Variants in VPS4A observed in about 807,000 individuals in gnomAD.
VPS4A encodes vacuolar protein sorting-associated protein 4A.
VPS4A carries 20 observed loss-of-function variants against 52.3 expected under a neutral mutation model. The ratio of observed to expected loss-of-function variants is 0.38; its 90% CI spans 0.27 to 0.56. The LOEUF is 0.56. Ranked by LOEUF, VPS4A falls within the 20% of genes least tolerant of loss-of-function variation. The pLI is 0.72. For synonymous variants in VPS4A, 293 were observed against 227.7 expected (o/e 1.29, Z -2.58); for missense variants, 419 against 575.9 (o/e 0.73, Z 2.79).
rs1047799601 is a variant in VPS4A at position 69,325,875 on chromosome 16, G to A, written c.*1566G>A. 6.6e-6 allele frequency: 1 copy of A among 152,214 alleles called. No homozygotes were observed. The highest frequency in any genetic ancestry group is 2.4e-5 in the African/African-American group (1 of 41,406). The allele number at this position is 152,214 out of a possible 1,614,324, so 9.4% of individuals were successfully genotyped here. ...GTAGAGGCTGCTCTGTACAGAAGGG[G>A]TCCCCCATCCCCACTCATCTGTGTT... On this transcript the variant is annotated 3_prime_UTR_variant, in exon 11 of 11. Coordinates refer to ENST00000254950, the MANE Select transcript of VPS4A (RefSeq NM_013245.3).
chr16:69,322,411 C>A, intron 9 of VPS4A, 149 bp from the exon 10 acceptor site: 1 of 795,294 alleles, frequency 1.3e-6, no homozygotes. Flanking sequence ...GTCGCTCGGA[C>A]CACCCAGCCC....
Position 69,318,849 on chromosome 16 carries a change from A to G in VPS4A, c.370A>G (p.Ile124Val). Reference sequence around the variant, plus strand: ...TGCCGTCGTGATGGAGAAGCCCAACATACGGTGGAACGACGTGGCCGGGCT... The same window carrying G: ...TGCCGTCGTGATGGAGAAGCCCAACGTACGGTGGAACGACGTGGCCGGGCT... ...MGAVVMEKPN[I>V]RWNDVAGLEG... Residue 124 changes from isoleucine (I) to valine (V), a missense_variant, in exon 5 of 11, where the codon ATA becomes GTA. Coordinates refer to ENST00000254950, the MANE Select transcript of VPS4A (RefSeq NM_013245.3). 1 of 1,613,504 alleles carries G rather than the reference A, an allele frequency of 6.2e-7. No homozygotes were observed. The highest frequency in any genetic ancestry group is 8.5e-7 in the Non-Finnish European group (1 of 1,179,704).
At position 69,320,015 on chromosome 16, in the gene VPS4A, T is replaced by C. The variant is rs1403690595; in HGVS notation, c.621-126T>C. On this transcript the variant is annotated intron_variant, in intron 6 of 10. Coordinates refer to ENST00000254950, the MANE Select transcript of VPS4A (RefSeq NM_013245.3). This position sits in a 1 kb window ranked among gnomAD's most constrained non-coding sequence, Gnocchi z 4.2. ...CCGAGGGCTCCTCACCACCACGTTT[T>C]CCGCAATTCCGGCATGACCGTGGCC... 6.8e-6 allele frequency: 9 copies of C among 1,328,600 alleles called. No individual in the cohort carries two copies. In the East Asian group the frequency reaches 2.3e-4, roughly 34 times the overall value. 82.3% of individuals were successfully genotyped at this position (1,328,600 alleles called of 1,614,324 possible). A position where few individuals can be genotyped will look rare whatever the true frequency, so the allele number is the denominator to read the frequency against.
intron 4 of VPS4A, 38 bp from the exon 5 acceptor site, chr16:69,318,785 T>C: frequency 6.2e-7 from 1 of 1,611,138 alleles, no homozygotes; most frequent in Non-Finnish European, 8.5e-7. Context: ...TCATGCCCCT[T>C]GGCCGGGCCC....
chr16:69,316,398 G>A, intron 3 of VPS4A, 26 bp downstream of exon 3: 1 of 1,611,508 alleles, frequency 6.2e-7, no homozygotes, highest in Non-Finnish European at 8.5e-7. Flanking sequence ...GTCCGCCCAG[G>A]AACCTGGGCC....
chr16:69,323,523 T>C (rs1425389759), intron 10 of VPS4A: 3 of 399,244 alleles, frequency 7.5e-6, no homozygotes, highest in African/African-American at 6.2e-5. Context: ...GGGTTTGGCT[T>C]TGCGGTGCAG....
chr16:69,314,720 C>T (rs1481278892), intron 1 of VPS4A, among the ~76,000 whole-genome samples: 1 of 152,094 alleles, frequency 6.6e-6, no homozygotes, highest in African/African-American at 2.4e-5. Context: ...GTGTTTCTTT[C>T]GGAGACTTCT....
Position 69,318,873 on chromosome 16 carries a change from C to G in VPS4A, c.394C>G (p.Leu132Val). ...CATACGGTGGAACGACGTGGCCGGG[C>G]TGGAGGGGGCCAAGGAGGCCCTCAA... The part of the protein sequence containing the change: ...PNIRWNDVAG[L>V]EGAKEALKEA... Residue 132 changes from leucine to valine, a missense_variant, in exon 5 of 11, where the codon CTG becomes GTG. By Grantham distance (32) the Leu-to-Val change is conservative. Around this residue, in one of 3 missense-constraint regions of VPS4A, gnomAD observed 103 missense variants for 210.3 expected, o/e 0.49. Coordinates refer to ENST00000254950, the MANE Select transcript of VPS4A (RefSeq NM_013245.3). 1.2e-6 allele frequency: 2 copies of G among 1,613,672 alleles called. No individual in the cohort carries two copies. The highest frequency in any genetic ancestry group is 1.7e-6 in the Non-Finnish European group (2 of 1,179,776).
At chr16:69,322,807 C>T (rs1441267676) in intron 10 of VPS4A, 107 bp downstream of exon 10, 26 of 1,402,700 alleles carry the variant, frequency 1.9e-5, no homozygotes, top group Non-Finnish European at 2.3e-5. Context: ...TGGTAGCTCA[C>T]GCCTGTAATC....
At chr16:69,313,486 T>G (rs1041241967) in intron 1 of VPS4A, among the ~76,000 whole-genome samples, 3 of 152,194 alleles carry the variant, frequency 2.0e-5, no homozygotes, top group Non-Finnish European at 2.9e-5. Context: ...AAACCCACTT[T>G]ATATAAACAG....
Position 69,322,812 on chromosome 16 carries a change from G to A in VPS4A, c.1212+112G>A, listed in dbSNP as rs902602177. On this transcript the variant is annotated intron_variant, in intron 10 of 10. Transcript: ENST00000254950. ...AGGCCAGGCATGGTAGCTCACGCCT[G>A]TAATCCCAGCACTTTGGGAGGCCAG... 21 of 1,395,236 alleles carry A rather than the reference G, an allele frequency of 1.5e-5. No individual in the cohort carries two copies. In the South Asian group the frequency reaches 1.6e-4, roughly 11 times the overall value. The allele number at this position is 1,395,236 out of a possible 1,614,324, so 86.4% of individuals were successfully genotyped here. A position where few individuals can be genotyped will look rare whatever the true frequency, so the allele number is the denominator to read the frequency against.
chr16:69,316,834 G>A (rs1265229786), intron 3 of VPS4A, among the ~76,000 whole-genome samples: 1 of 152,214 alleles, frequency 6.6e-6, no homozygotes, highest in East Asian at 1.9e-4. Context: ...TCCAACAGGT[G>A]GGGCGGCCGG....
At position 69,320,642 on chromosome 16, in the gene VPS4A, C is replaced by T. The variant is rs373467959; in HGVS notation, c.770-46C>T. 3.9e-6 allele frequency: 6 copies of T among 1,525,240 alleles called. No homozygotes were observed. The highest frequency in any genetic ancestry group is 2.4e-5 in the East Asian group (1 of 41,672). 94.5% of individuals were successfully genotyped at this position (1,525,240 alleles called of 1,614,324 possible). A position where few individuals can be genotyped will look rare whatever the true frequency, so the allele number is the denominator to read the frequency against. ...GTCTGTCCCCAGGTTTCAACTGACC[C>T]GTGCAGGTGTCCAGAGTCTGAGTCT... On this transcript the variant is annotated intron_variant, in intron 7 of 10. Coordinates refer to ENST00000254950, the MANE Select transcript of VPS4A (RefSeq NM_013245.3). The surrounding 1 kb of genome is among the most constrained non-coding windows in gnomAD (Gnocchi z 4.2).
chr16:69,318,683 G>T lies in VPS4A; in HGVS notation c.315G>T (p.Glu105Asp). 1 of 1,613,434 alleles carries T rather than the reference G, an allele frequency of 6.2e-7. No homozygotes were observed. Among genetic ancestry groups the T allele is most frequent in the Non-Finnish European group, 8.5e-7 (1 of 1,179,646 alleles). The change falls in exon 4 of 11, where the codon GAG (glutamate) becomes GAT (aspartate). Residue 105 changes from glutamate to aspartate, a missense_variant. Coordinates refer to ENST00000254950, the MANE Select transcript of VPS4A (RefSeq NM_013245.3). ...SDSDSEGDNP[E>D]KKKLQEQLMG... Reference sequence around the variant, plus strand: ...GTGACAGTGAAGGGGATAATCCGGAGAAAAAGAAACTGCAAGAACAGCTGA... The same window carrying T: ...GTGACAGTGAAGGGGATAATCCGGATAAAAAGAAACTGCAAGAACAGCTGA...
chr16:69,320,665 T>C lies in VPS4A; in HGVS notation c.770-23T>C. On this transcript the variant is annotated intron_variant, in intron 7 of 10. Coordinates refer to ENST00000254950, the MANE Select transcript of VPS4A (RefSeq NM_013245.3). This position sits in a 1 kb window ranked among gnomAD's most constrained non-coding sequence, Gnocchi z 4.2. ...CCCGTGCAGGTGTCCAGAGTCTGAG[T>C]CTTTGTCTCCCTTTCTCCACAGGGG... The C allele has an allele frequency of 1.3e-6, 2 of 1,581,790 alleles. No homozygotes were observed. The highest frequency in any genetic ancestry group is 1.7e-6 in the Non-Finnish European group (2 of 1,163,318).
chr16:69,313,483 C>A (rs1188234660), intron 1 of VPS4A, among the ~76,000 whole-genome samples: 1 of 152,128 alleles, frequency 6.6e-6, no homozygotes, highest in African/African-American at 2.4e-5. Flanking sequence ...GAGAAACCCA[C>A]TTTATATAAA....
At chr16:69,317,393 C>T (rs1009703055) in intron 3 of VPS4A, among the ~76,000 whole-genome samples, 3 of 152,176 alleles carry the variant, frequency 2.0e-5, no homozygotes, top group African/African-American at 7.2e-5. Context: ...CATGGTGGCT[C>T]ACACCTGTAA....
Position 69,314,896 on chromosome 16 carries a change from C to T in VPS4A, c.22-1112C>T, listed in dbSNP as rs372387329. 1.2e-4 allele frequency among the ~76,000 whole-genome samples: 18 copies of T among 152,076 alleles called. No individual in the cohort carries two copies. In the South Asian group the frequency reaches 2.3e-3, roughly 19 times the overall value. On this transcript the variant is annotated intron_variant, in intron 1 of 10. Coordinates refer to ENST00000254950, the MANE Select transcript of VPS4A (RefSeq NM_013245.3). Reference sequence around the variant, plus strand: ...GAATTCTGGTCATGCTTCGTGCAGGCGTTGGTGAAGCTGCGGTTTTTAAAA... The same window carrying T: ...GAATTCTGGTCATGCTTCGTGCAGGTGTTGGTGAAGCTGCGGTTTTTAAAA...
chr16:69,319,003 C>T (rs1216827863), intron 5 of VPS4A, 61 bp downstream of exon 5: 15 of 1,583,664 alleles, frequency 9.5e-6, no homozygotes, highest in Non-Finnish European at 1.3e-5. Flanking sequence ...AGGGCTGGCA[C>T]TCCGAGGCAC....
Sources: gnomAD v4.1 joint callset for allele counts (sites outside exome capture counted in the v4.1 genomes callset) on GRCh38, gnomAD v4.1.1 for gene constraint, gnomAD v4.1.1 regional missense constraint, Gnocchi (gnomAD v3.1) non-coding constraint, MANE v1.5 for transcripts, NCBI Gene and HGNC (gene_info 2026-07-23, HGNC 2026-07-21) for gene names.